Variants in CEP83 observed in about 807,000 individuals in gnomAD.
The protein encoded by CEP83 is centrosomal protein of 83 kDa.
Under a neutral mutation model 101.9 loss-of-function variants are expected in CEP83, and 70 were observed. The observed-to-expected ratio is 0.69, with a 90% CI of 0.57 to 0.84. CEP83 has a LOEUF of 0.84. CEP83 is among the 40% of genes least tolerant of loss of function. The probability of loss-of-function intolerance (pLI) is 0.00; values close to 1 mark genes in which losing one functional copy is unlikely to be tolerated. For synonymous variants in CEP83, 264 were observed against 267.9 expected (o/e 0.99, Z 0.14); for missense variants, 715 against 787.2 (o/e 0.91, Z 1.10).
chr12:94,367,719 A>G, intron 11 of CEP83, 75 bp downstream of exon 11: 1 of 1,013,200 alleles, frequency 9.9e-7, no homozygotes, highest in Non-Finnish European at 1.4e-6. Context: ...AATTCTTTGT[A>G]CTAGTTGTAC....
intron 1 of CEP83, among the ~76,000 whole-genome samples, chr12:94,458,049 T>A (rs1422518540): frequency 6.6e-6 from 1 of 151,354 alleles, no homozygotes; most frequent in African/African-American, 2.4e-5. Context: ...ATACAAAAAT[T>A]AGCAGGGCAT....
chr12:94,355,486 G>A (rs778630318), intron 11 of CEP83, among the ~76,000 whole-genome samples: 1 of 151,812 alleles, frequency 6.6e-6, no homozygotes, highest in African/African-American at 2.4e-5. Flanking sequence ...GCGAGACTCC[G>A]TCTCAAAAAA....
At chr12:94,295,197 C>G in the CEP83 span, among the ~76,000 whole-genome samples, 1 of 152,212 alleles carries the variant, frequency 6.6e-6, no homozygotes, top group Non-Finnish European at 1.5e-5. Flanking sequence ...CTTTCACACA[C>G]ACAGCCAGAG....
chr12:94,347,050 A>AATATATATACAT (rs1555225268), intron 11 of CEP83, among the ~76,000 whole-genome samples: 1 of 132,024 alleles, frequency 7.6e-6, no homozygotes, highest in Non-Finnish European at 1.6e-5. Context: ...AAAATAAACA[A>AATATATATACAT]ATATATATAT....
chr12:94,425,502 G>C (rs562570450), intron 2 of CEP83, among the ~76,000 whole-genome samples: 1 of 152,238 alleles, frequency 6.6e-6, no homozygotes, highest in South Asian at 2.1e-4. Context: ...CTTACTTGTT[G>C]CAAGTAATAA....
downstream of CEP83, chr12:94,305,890 T>C (rs1968955314): frequency 6.6e-6 from 1 of 152,162 alleles, no homozygotes; most frequent in Non-Finnish European, 1.5e-5. Flanking sequence ...AAAGGGCTCG[T>C]GTTTTTCAGT....
intron 1 of CEP83, among the ~76,000 whole-genome samples, chr12:94,456,418 A>T (rs894320091): frequency 6.6e-6 from 1 of 152,230 alleles, no homozygotes; most frequent in Non-Finnish European, 1.5e-5. Flanking sequence ...GGGAAAGTAG[A>T]AATGCCTATC....
At chr12:94,436,898 T>A (rs1004726008) in intron 1 of CEP83, among the ~76,000 whole-genome samples, 3 of 150,452 alleles carry the variant, frequency 2.0e-5, no homozygotes, top group Non-Finnish European at 4.4e-5. Context: ...AGAAAATGAA[T>A]AAAGCCTCCA....
At chr12:94,427,730 A>C in intron 2 of CEP83, among the ~76,000 whole-genome samples, 1 of 152,222 alleles carries the variant, frequency 6.6e-6, no homozygotes, top group East Asian at 1.9e-4. Context: ...AAAGTGAATG[A>C]TGTTTTTTAA....
At chr12:94,416,784 T>C (rs573158098) in intron 2 of CEP83, among the ~76,000 whole-genome samples, 1 of 151,686 alleles carries the variant, frequency 6.6e-6, no homozygotes, top group Non-Finnish European at 1.5e-5. Context: ...ACCTAAACTT[T>C]CACCCCCCAC....
chr12:94,286,683 T>A, the CEP83 span, among the ~76,000 whole-genome samples: 142 of 144,862 alleles, frequency 9.8e-4, no homozygotes, highest in Admixed American at 1.6e-3. Flanking sequence ...TTTAAGTGAA[T>A]CAGACTCACC....
intron 2 of CEP83, among the ~76,000 whole-genome samples, chr12:94,430,726 G>A (rs534278324): frequency 1.1e-4 from 16 of 152,232 alleles, no homozygotes; most frequent in East Asian, 1.9e-4. Flanking sequence ...AAAAACTTCC[G>A]AAGTCTAGCA....
At chr12:94,337,871 G>A (rs545303899) in intron 11 of CEP83, among the ~76,000 whole-genome samples, 1 of 152,248 alleles carries the variant, frequency 6.6e-6, no homozygotes, top group South Asian at 2.1e-4. Flanking sequence ...AGGGAGGAGA[G>A]AATGGATGAA....
chr12:94,458,656 T>G (rs1195493987), intron 1 of CEP83, among the ~76,000 whole-genome samples: 3 of 152,122 alleles, frequency 2.0e-5, no homozygotes, highest in Non-Finnish European at 2.9e-5. Context: ...GAGAATCGCT[T>G]GAACCCAGGA....
intron 2 of CEP83, among the ~76,000 whole-genome samples, chr12:94,428,605 G>C (rs541597273): frequency 1.3e-5 from 2 of 151,998 alleles, no homozygotes; most frequent in Non-Finnish European, 2.9e-5. Flanking sequence ...TCATTATTTT[G>C]AATCTGTCAC....
chr12:94,317,507 G>A (rs556555835), intron 14 of CEP83, among the ~76,000 whole-genome samples: 2 of 152,210 alleles, frequency 1.3e-5, no homozygotes, highest in East Asian at 3.9e-4. Flanking sequence ...GTCCTGAATG[G>A]TATTGCCTAG....
At chr12:94,306,740 T>TG (rs1969061944), downstream of CEP83, 1 of 152,176 alleles carries the variant, frequency 6.6e-6, no homozygotes, top group South Asian at 2.1e-4. Flanking sequence ...TAAAGGCAAT[T>TG]CCTTTTTGCT....
chr12:94,346,043 T>A (rs1477550497), intron 11 of CEP83, among the ~76,000 whole-genome samples: 6 of 151,966 alleles, frequency 3.9e-5, no homozygotes, highest in African/African-American at 1.2e-4. Context: ...TCTCACCCTA[T>A]TATTTCTCTT....
intron 11 of CEP83, among the ~76,000 whole-genome samples, chr12:94,356,607 T>A (rs1386317973): frequency 6.6e-6 from 1 of 152,230 alleles, no homozygotes; most frequent in African/African-American, 2.4e-5. Flanking sequence ...GAGGGAAATA[T>A]TACAGCTATA....
Sources: gnomAD v4.1 joint callset for allele counts (sites outside exome capture counted in the v4.1 genomes callset) on GRCh38, gnomAD v4.1.1 for gene constraint, MANE v1.5 for transcripts, NCBI Gene and HGNC (gene_info 2026-07-23, HGNC 2026-07-21) for gene names.